EVI5: variants seen among roughly 807,000 people sequenced by gnomAD.
The protein encoded by EVI5 is ecotropic viral integration site 5 protein homolog.
Under a neutral mutation model 112.0 loss-of-function variants are expected in EVI5, and 73 were observed. That is an observed-to-expected ratio of 0.65 (90% CI 0.54 to 0.79). The LOEUF is 0.79. Among genes scored for constraint, EVI5 ranks in the 30% least tolerant of loss-of-function variants. The pLI is 0.00. For synonymous variants in EVI5, 305 were observed against 319.9 expected, an observed-to-expected ratio of 0.95 and a Z score of 0.50; for missense variants, 900 against 968.8, an observed-to-expected ratio of 0.93 and a Z score of 0.94.
At chr1:92,765,215 C>CTTTTTTTTTTTTTTTTTTTTTTTTTTTT in intron 1 of EVI5, among the ~76,000 whole-genome samples, 1 of 116,436 alleles carries the variant, frequency 8.6e-6, no homozygotes, top group South Asian at 2.9e-4. Flanking sequence ...TTTTTCCTTC[C>CTTTTTTTTTTTTTTTTTTTTTTTTTTTT]TTTTTTTTTT....
At chr1:92,539,184 C>G (rs1424650032) in intron 19 of EVI5, among the ~76,000 whole-genome samples, 3 of 152,248 alleles carry the variant, frequency 2.0e-5, no homozygotes, top group Admixed American at 6.5e-5. Context: ...ATATCTCCCA[C>G]AAGATAATTG....
chr1:92,712,023 A>G (rs373937803), intron 2 of EVI5, among the ~76,000 whole-genome samples: 14 of 152,144 alleles, frequency 9.2e-5, no homozygotes, highest in East Asian at 7.7e-4. Context: ...TTATAACCAC[A>G]CTAATCCCAT....
At chr1:92,786,509 T>C (rs1178703670), upstream of EVI5, among the ~76,000 whole-genome samples, 3 of 152,324 alleles carry the variant, frequency 2.0e-5, no homozygotes, top group East Asian at 5.8e-4. Flanking sequence ...GCAAATTCTA[T>C]TGGTTTTTCC....
At chr1:92,661,175 A>G (rs1407804192) in intron 13 of EVI5, among the ~76,000 whole-genome samples, 3 of 152,088 alleles carry the variant, frequency 2.0e-5, no homozygotes, top group African/African-American at 7.2e-5. Flanking sequence ...GGATGCTTAT[A>G]TTGGTAATTC....
At chr1:92,753,098 TG>T (rs1403613453) in intron 1 of EVI5, among the ~76,000 whole-genome samples, 1 of 145,324 alleles carries the variant, frequency 6.9e-6, no homozygotes, top group Non-Finnish European at 1.5e-5. Context: ...ATCTATGAAA[TG>T]AGCAGGAAGA....
chr1:92,512,504 CTAT>C lies in EVI5; in HGVS notation c.*1149_*1151del, dbSNP rs1659248447. On this transcript the variant is annotated 3_prime_UTR_variant, in exon 20 of 20. Transcript: ENST00000684568. ...TAGTGTTTTATTTTTAACTTTTAACCTATTATTTACAGAAGTCCTGTTAGATGC... is the reference window on the plus strand; with the variant it reads ...TAGTGTTTTATTTTTAACTTTTAACCTATTTACAGAAGTCCTGTTAGATGC... The C allele has an allele frequency of 6.6e-6, 1 of 152,104 alleles. No homozygotes were observed. The highest frequency in any genetic ancestry group is 6.5e-5 in the Admixed American group (1 of 15,272). 9.4% of individuals were successfully genotyped at this position (152,104 alleles called of 1,614,324 possible).
chr1:92,547,242 A>G (rs1390876650), intron 19 of EVI5, among the ~76,000 whole-genome samples: 3 of 152,230 alleles, frequency 2.0e-5, no homozygotes, highest in South Asian at 2.1e-4. Flanking sequence ...CTGCTCCTGA[A>G]TGACTACTGG....
intron 2 of EVI5, among the ~76,000 whole-genome samples, chr1:92,709,832 A>G (rs952745369): frequency 3.3e-5 from 5 of 152,116 alleles, no homozygotes; most frequent in Non-Finnish European, 7.4e-5. Context: ...GTGATGAGGA[A>G]CAACTCAAGA....
chr1:92,549,337 T>G (rs1176461779), intron 19 of EVI5, among the ~76,000 whole-genome samples: 1 of 152,036 alleles, frequency 6.6e-6, no homozygotes, highest in Admixed American at 6.6e-5. Flanking sequence ...CACCTTATAC[T>G]AAAATTAATT....
At chr1:92,535,575 G>C (rs528546948) in intron 19 of EVI5, among the ~76,000 whole-genome samples, 1 of 152,258 alleles carries the variant, frequency 6.6e-6, no homozygotes, top group Non-Finnish European at 1.5e-5. Context: ...ATACCTTGCA[G>C]CCATAAAAAA....
rs540158048 is a variant in EVI5 at position 92,743,959 on chromosome 1, CT to C, written c.-81-7333del. ...GAAGCTTAATCACTGATTTTTGAAT[CT>C]TTTTTTCTACTATATGATTCAATAT... On this transcript the variant is annotated intron_variant, in intron 1 of 19. Coordinates refer to ENST00000684568, the MANE Select transcript of EVI5 (RefSeq NM_001350197.2). Among the ~76,000 whole-genome samples, 183 of 152,152 alleles carry C rather than the reference CT, an allele frequency of 1.2e-3. 2 individuals carry two copies. The highest frequency in any genetic ancestry group is 4.2e-3 in the African/African-American group (174 of 41,534).
chr1:92,782,079 T>C (rs979675298), intron 1 of EVI5, among the ~76,000 whole-genome samples: 2 of 149,564 alleles, frequency 1.3e-5, no homozygotes, highest in South Asian at 4.2e-4. Flanking sequence ...GCCAACATGG[T>C]GAAGCCCTGT....
rs368983166 is a variant in EVI5, at chr1:92,675,839, C to T, written c.1158+1319G>A. On this transcript the variant is annotated intron_variant, in intron 10 of 19. Coordinates refer to ENST00000684568, the MANE Select transcript of EVI5 (RefSeq NM_001350197.2). ...GGCTTGGTGGCGGGCGCCTGTAGTCCCAGCTACTTGGGAAGCTGAGGCAGG... is the reference window on the plus strand; with the variant it reads ...GGCTTGGTGGCGGGCGCCTGTAGTCTCAGCTACTTGGGAAGCTGAGGCAGG... Among the ~76,000 whole-genome samples, 192 of 151,544 alleles carry T rather than the reference C, an allele frequency of 1.3e-3. 2 individuals carry two copies. The South Asian group carries it at 0.018, about 14-fold the overall frequency.
intron 18 of EVI5, among the ~76,000 whole-genome samples, chr1:92,593,205 C>T (rs927501203): frequency 6.6e-6 from 1 of 152,186 alleles, no homozygotes; most frequent in Non-Finnish European, 1.5e-5. Flanking sequence ...AGCAGCACAT[C>T]AAAAAGCTTA....
intron 18 of EVI5, among the ~76,000 whole-genome samples, chr1:92,567,196 G>C (rs1669635740): frequency 6.6e-6 from 1 of 151,910 alleles, no homozygotes. Context: ...AGATATTTTT[G>C]TACAGCCATA....
rs1326046890 is a variant in EVI5 at position 92,713,307 on chromosome 1, G to A, written c.150-8563C>T. 2.0e-5 allele frequency among the ~76,000 whole-genome samples: 3 copies of A among 151,284 alleles called. No individual in the cohort carries two copies. The South Asian group carries it at 6.3e-4, about 32-fold the overall frequency. On this transcript the variant is annotated intron_variant, in intron 2 of 19. Coordinates refer to ENST00000684568, the MANE Select transcript of EVI5 (RefSeq NM_001350197.2). ...CTGGCTACCATACTACACAATACTA[G>A]TATTGTCTAGTATTGCCTTTTCTTT...
intron 1 of EVI5, among the ~76,000 whole-genome samples, chr1:92,765,114 A>C (rs1360441842): frequency 1.3e-5 from 2 of 152,108 alleles, no homozygotes; most frequent in African/African-American, 4.8e-5. Flanking sequence ...TAATATACTT[A>C]ACCATTTGGT....
chr1:92,747,716 CA>C (rs3042578), intron 1 of EVI5, among the ~76,000 whole-genome samples: 1 of 83,544 alleles, frequency 1.2e-5, no homozygotes. Context: ...TCCATCTCAC[CA>C]AAAAAAAAAA....
At chr1:92,569,132 T>G (rs944059568) in intron 18 of EVI5, among the ~76,000 whole-genome samples, 3 of 152,234 alleles carry the variant, frequency 2.0e-5, no homozygotes, top group African/African-American at 4.8e-5. Flanking sequence ...AAGCTGCTTA[T>G]GTGTAATCAT....
Sources: allele counts gnomAD v4.1 joint callset (sites outside exome capture counted in the v4.1 genomes callset), GRCh38; gene constraint gnomAD v4.1.1; transcripts MANE v1.5; gene names NCBI Gene and HGNC (gene_info 2026-07-23, HGNC 2026-07-21).